Variants in SBF2 observed in about 807,000 individuals in gnomAD.
SBF2 encodes myotubularin-related protein 13.
Under a neutral mutation model 225.2 loss-of-function variants are expected in SBF2, and 112 were observed. The ratio of observed to expected loss-of-function variants is 0.50; its 90% CI spans 0.43 to 0.58. The LOEUF (loss-of-function observed/expected upper bound fraction) is 0.58, where lower values mean the gene tolerates loss of function less well. SBF2 is among the 20% of genes least tolerant of loss of function. SBF2 has a pLI of 0.00. For missense variants in SBF2, 1,996 were observed against 2,206.2 expected (o/e 0.90, Z 1.91); for synonymous variants, 763 against 773.3 (o/e 0.99, Z 0.22).
chr11:9,874,727 T>A (rs1291095583), intron 17 of SBF2, among the ~76,000 whole-genome samples: 1 of 152,162 alleles, frequency 6.6e-6, no homozygotes, highest in Non-Finnish European at 1.5e-5. Context: ...TACAAAGCAG[T>A]AAATATGGGG....
At chr11:9,932,568 G>A (rs1305923504) in intron 16 of SBF2, among the ~76,000 whole-genome samples, 2 of 152,112 alleles carry the variant, frequency 1.3e-5, no homozygotes, top group African/African-American at 2.4e-5. Flanking sequence ...ATCCTTTACA[G>A]ACAAGCAAAT....
Position 9,935,444 on chromosome 11 carries a change from G to GA in SBF2, c.1860+26512dup, listed in dbSNP as rs540075065. Among the ~76,000 whole-genome samples the GA allele has an allele frequency of 4.0e-3, 609 of 152,096 alleles. 4 individuals are homozygous for GA. The highest frequency in any genetic ancestry group is 6.4e-3 in the Non-Finnish European group (434 of 67,974). On this transcript the variant is annotated intron_variant, in intron 16 of 39. Coordinates refer to ENST00000256190, the MANE Select transcript of SBF2 (RefSeq NM_030962.4). ...ACCAATAACTTTCTTCACAGAATTT[G>GA]AAAAAAACTACTTTAAAGTTCATAT...
intron 1 of SBF2, among the ~76,000 whole-genome samples, chr11:10,204,870 G>A (rs73415093): frequency 0.011 from 1,617 of 152,046 alleles, 37 homozygotes; most frequent in African/African-American, 0.037. Context: ...GATTGCTAAC[G>A]GATATAGGGT....
intron 6 of SBF2, among the ~76,000 whole-genome samples, chr11:10,011,913 C>G (rs118130791): frequency 0.014 from 2,168 of 152,248 alleles, 35 homozygotes; most frequent in South Asian, 0.031. Flanking sequence ...AGTTTTTGAG[C>G]ATTATTTCTT....
At chr11:9,864,285 G>A (rs1233193562) in intron 17 of SBF2, among the ~76,000 whole-genome samples, 1 of 152,132 alleles carries the variant, frequency 6.6e-6, no homozygotes, top group Non-Finnish European at 1.5e-5. Context: ...CTCAGATCAA[G>A]GCATACAATT....
chr11:10,075,432 T>C (rs1480720172), intron 2 of SBF2, among the ~76,000 whole-genome samples: 6 of 152,190 alleles, frequency 3.9e-5, no homozygotes, highest in South Asian at 4.1e-4. Flanking sequence ...GTAGTTGATA[T>C]GGTTTGGTTC....
At chr11:10,291,245 G>A (rs1964139413) in intron 1 of SBF2, among the ~76,000 whole-genome samples, 1 of 152,188 alleles carries the variant, frequency 6.6e-6, no homozygotes, top group African/African-American at 2.4e-5. Context: ...AGGTCATGGT[G>A]GTGGAGTCCT....
chr11:10,076,764 A>G (rs1333678452), intron 2 of SBF2, among the ~76,000 whole-genome samples: 2 of 152,156 alleles, frequency 1.3e-5, no homozygotes, highest in Non-Finnish European at 2.9e-5. Context: ...GCTCTTTGAC[A>G]CAGCACCAGT....
At chr11:10,245,163 G>C (rs1396139721) in intron 1 of SBF2, among the ~76,000 whole-genome samples, 1 of 150,088 alleles carries the variant, frequency 6.7e-6, no homozygotes, top group Non-Finnish European at 1.5e-5. Flanking sequence ...ATTAAAATGG[G>C]CAAACTAATT....
intron 24 of SBF2, 55 bp from the exon 25 acceptor site, chr11:9,842,825 A>G (rs1024517050): frequency 1.4e-5 from 22 of 1,565,312 alleles, no homozygotes; most frequent in Non-Finnish European, 1.4e-5. Flanking sequence ...CACTACTTGT[A>G]TTGTTGACAC....
At chr11:10,173,870 C>A (rs1182536521) in intron 2 of SBF2, among the ~76,000 whole-genome samples, 1 of 151,568 alleles carries the variant, frequency 6.6e-6, no homozygotes, top group Non-Finnish European at 1.5e-5. Flanking sequence ...CCCGAGCAGC[C>A]TAACTGGGAG....
intron 17 of SBF2, among the ~76,000 whole-genome samples, chr11:9,891,762 T>C (rs1564964195): frequency 6.6e-6 from 1 of 152,258 alleles, no homozygotes; most frequent in African/African-American, 2.4e-5. Flanking sequence ...GAAGGAACTG[T>C]AGGCTTACAA....
At chr11:9,897,357 C>G (rs188754721) in intron 16 of SBF2, among the ~76,000 whole-genome samples, 1 of 152,018 alleles carries the variant, frequency 6.6e-6, no homozygotes, top group Non-Finnish European at 1.5e-5. Context: ...CATGCTTCAG[C>G]CTCCCGAGTA....
chr11:10,027,964 C>T (rs1219861048), intron 6 of SBF2, among the ~76,000 whole-genome samples: 3 of 152,194 alleles, frequency 2.0e-5, no homozygotes, highest in Admixed American at 2.0e-4. Flanking sequence ...TGTTAGAGTA[C>T]AGTGGCACCA....
intron 1 of SBF2, among the ~76,000 whole-genome samples, chr11:10,260,926 G>GA (rs1239969440): frequency 2.2e-3 from 324 of 147,364 alleles, no homozygotes; most frequent in African/African-American, 7.5e-3. Context: ...AGGGAGAAAA[G>GA]AAAAAAAAAT....
chr11:9,857,746 G>C (rs1372262422), intron 18 of SBF2, among the ~76,000 whole-genome samples: 1 of 151,942 alleles, frequency 6.6e-6, no homozygotes, highest in African/African-American at 2.4e-5. Flanking sequence ...AAATTTTTTT[G>C]ATATTTTTCA....
intron 28 of SBF2, among the ~76,000 whole-genome samples, chr11:9,817,549 C>G (rs544494036): frequency 1.2e-4 from 18 of 148,434 alleles, no homozygotes; most frequent in African/African-American, 3.8e-4. Flanking sequence ...TATATCATGC[C>G]AAAACGATGT....
chr11:9,787,304 G>A (rs534155624), intron 36 of SBF2, among the ~76,000 whole-genome samples: 3 of 152,196 alleles, frequency 2.0e-5, no homozygotes, highest in Non-Finnish European at 2.9e-5. Context: ...TGGAGCAAAC[G>A]TGGTCTTGGC....
At chr11:9,841,291 T>C (rs1379009140) in intron 25 of SBF2, among the ~76,000 whole-genome samples, 1 of 152,184 alleles carries the variant, frequency 6.6e-6, no homozygotes, top group African/African-American at 2.4e-5. Flanking sequence ...ATAATTATCA[T>C]AGAATAATAG....
Sources: gnomAD v4.1 joint callset for allele counts (sites outside exome capture counted in the v4.1 genomes callset) on GRCh38, gnomAD v4.1.1 for gene constraint, MANE v1.5 for transcripts, NCBI Gene and HGNC (gene_info 2026-07-23, HGNC 2026-07-21) for gene names.